Variants in TTC38 observed in about 807,000 individuals in gnomAD.
TTC38 encodes tetratricopeptide repeat protein 38.
A neutral mutation model predicts 64.2 loss-of-function variants in TTC38; 64 were observed. The ratio of observed to expected loss-of-function variants is 1.00; its 90% CI spans 0.81 to 1.23. TTC38 has a LOEUF of 1.23. Ranked by LOEUF, TTC38 falls within the 50% of genes most tolerant of loss-of-function variation. The pLI is 0.00. For missense variants in TTC38, 573 were observed against 615.5 expected, an observed-to-expected ratio of 0.93 and a Z score of 0.73; for synonymous variants, 254 against 249.3, an observed-to-expected ratio of 1.02 and a Z score of -0.18.
Position 46,273,899 on chromosome 22 carries a change from G to A in TTC38, c.195G>A (p.Val65=), listed in dbSNP as rs1936949990. Residue 65 remains valine, a splice_region_variant and synonymous_variant, in exon 4 of 14, where the codon GTG becomes GTA. Transcript: ENST00000381031. This position sits in a 1 kb window ranked among gnomAD's most constrained non-coding sequence, Gnocchi z 5.1. ...AGCCGTTCTCTAACCTCCCACCAGT[G>A]ATGGGCCACGCCATGGCTACTGGCC... is the stretch of plus-strand genomic sequence containing the variant. The part of the protein sequence containing the change: ...SKLKAADPTF[V]MGHAMATGLV... The A allele has an allele frequency of 1.2e-6, 2 of 1,614,198 alleles. No individual in the cohort carries two copies. Among genetic ancestry groups the A allele is most frequent in the Admixed American group, 1.7e-5 (1 of 60,026 alleles).
Position 46,292,021 on chromosome 22 carries a change from A to G in TTC38, c.1317-770A>G, listed in dbSNP as rs2077620097. 6.6e-6 allele frequency among the ~76,000 whole-genome samples: 1 copy of G among 152,140 alleles called. No homozygotes were observed. The highest frequency in any genetic ancestry group is 1.5e-5 in the Non-Finnish European group (1 of 68,022). ...GCACAGTAGGCATGCACTGTCTCAC[A>G]GTTCTGGAGGCTGGAATGTCCAGGA... On this transcript the variant is annotated intron_variant, in intron 13 of 13. Transcript: ENST00000381031. The surrounding 1 kb of genome is among the most constrained non-coding windows in gnomAD (Gnocchi z 6.5).
At position 46,291,531 on chromosome 22, in the gene TTC38, C is replaced by T. The variant is rs2077615443; in HGVS notation, c.1317-1260C>T. Among the ~76,000 whole-genome samples, 1 of 152,204 alleles carries T rather than the reference C, an allele frequency of 6.6e-6. No individual in the cohort carries two copies. The highest frequency in any genetic ancestry group is 2.1e-4 in the South Asian group (1 of 4,834). On this transcript the variant is annotated intron_variant, in intron 13 of 13. Coordinates refer to ENST00000381031, the MANE Select transcript of TTC38 (RefSeq NM_017931.4). This position sits in a 1 kb window ranked among gnomAD's most constrained non-coding sequence, Gnocchi z 4.6. ...CCAGCCCCCAAGGTGGGAAACCTTC[C>T]ACCCACAGCCATGGTGCCCCCCACA...
At chr22:46,277,632 G>C (rs954864618) in intron 5 of TTC38, among the ~76,000 whole-genome samples, 6 of 145,656 alleles carry the variant, frequency 4.1e-5, no homozygotes, top group Non-Finnish European at 9.0e-5. Context: ...AAAAAAAAGA[G>C]AGAGATTGGA....
chr22:46,268,212 A>G, intron 1 of TTC38, 140 bp downstream of exon 1: 1 of 978,704 alleles, frequency 1.0e-6, no homozygotes, highest in East Asian at 2.8e-5. Flanking sequence ...GTCCGCGGCA[A>G]CGCCTGGAAG....
At position 46,281,634 on chromosome 22, in the gene TTC38, G is replaced by T. The variant is rs202040339; in HGVS notation, c.651G>T (p.Val217=). 2.5e-6 allele frequency: 4 copies of T among 1,614,166 alleles called. No individual in the cohort carries two copies. The highest frequency in any genetic ancestry group is 3.4e-6 in the Non-Finnish European group (4 of 1,180,028). ...LSINPTDAWS[V]HTVAHIHEMK... is the part of the protein sequence containing the mutation. ...TTAACCCGACAGACGCATGGTCGGT[G>T]CACACCGTCGCTCACATCCACGAGA... The change falls in exon 7 of 14, where the codon GTG becomes GTT. Residue 217 remains valine, a synonymous_variant. Coordinates refer to ENST00000381031, the MANE Select transcript of TTC38 (RefSeq NM_017931.4). The surrounding 1 kb of genome is among the most constrained non-coding windows in gnomAD (Gnocchi z 5.2).
rs747470323 is a variant in TTC38, at chr22:46,273,909, G to A, written c.205G>A (p.Ala69Thr). The part of the protein sequence containing the change: ...AADPTFVMGH[A>T]MATGLVLIGT... ...TAACCTCCCACCAGTGATGGGCCACGCCATGGCTACTGGCCTTGTGCTGAT... is the reference window on the plus strand; with the variant it reads ...TAACCTCCCACCAGTGATGGGCCACACCATGGCTACTGGCCTTGTGCTGAT... The change falls in exon 4 of 14, where the codon GCC (alanine) becomes ACC (threonine). Residue 69 changes from alanine (A) to threonine (T), a missense_variant. Coordinates refer to ENST00000381031, the MANE Select transcript of TTC38 (RefSeq NM_017931.4). The surrounding 1 kb of genome is among the most constrained non-coding windows in gnomAD (Gnocchi z 5.1). 2.0e-5 allele frequency: 32 copies of A among 1,614,088 alleles called. No homozygotes were observed. The South Asian group carries it at 3.1e-4, about 16-fold the overall frequency.
Position 46,292,290 on chromosome 22 carries a change from C to G in TTC38, c.1317-501C>G. ...ACTCAAACTCCTGGGCTCAAGGAAT[C>G]TTCCTGCCTCATCCTTCCATCGTGC... On this transcript the variant is annotated intron_variant, in intron 13 of 13. Coordinates refer to ENST00000381031, the MANE Select transcript of TTC38 (RefSeq NM_017931.4). This position sits in a 1 kb window ranked among gnomAD's most constrained non-coding sequence, Gnocchi z 6.5. The G allele has an allele frequency of 2.4e-6, 1 of 416,978 alleles. No individual in the cohort carries two copies. The allele number at this position is 416,978 out of a possible 1,614,324, so 25.8% of individuals were successfully genotyped here.
rs574616563 is a variant in TTC38, at chr22:46,271,263, CAG to C, written c.112-1069_112-1068del. Among the ~76,000 whole-genome samples, 170 of 152,046 alleles carry C rather than the reference CAG, an allele frequency of 1.1e-3. No homozygotes were observed. Among genetic ancestry groups the C allele is most frequent in the Middle Eastern group, 0.01 (3 of 292 alleles). ...TTTTTCTTTTTTTTCTTTTTTGAGA[CAG>C]AGTCTCACTCTGTCGCCCAGGCTGG... On this transcript the variant is annotated intron_variant, in intron 2 of 13. Coordinates refer to ENST00000381031, the MANE Select transcript of TTC38 (RefSeq NM_017931.4). The surrounding 1 kb of genome is among the most constrained non-coding windows in gnomAD (Gnocchi z 5.5).
chr22:46,269,124 C>T (rs1936836292), intron 2 of TTC38: 2 of 438,992 alleles, frequency 4.6e-6, no homozygotes, highest in Non-Finnish European at 9.3e-6. Context: ...GGCCTCTGCA[C>T]TCTCCCTTCT....
intron 8 of TTC38, among the ~76,000 whole-genome samples, chr22:46,284,800 C>T (rs1376092413): frequency 2.2e-5 from 3 of 134,196 alleles, no homozygotes; most frequent in Admixed American, 8.8e-5. Context: ...ACCTGGGACG[C>T]GGAGGTTACA....
intron 1 of TTC38, among the ~76,000 whole-genome samples, 199 bp downstream of exon 1, chr22:46,268,271 G>T (rs1936806921): frequency 6.6e-6 from 1 of 152,254 alleles, no homozygotes; most frequent in Non-Finnish European, 1.5e-5. Context: ...AATAAGGGAC[G>T]CCTGTCAGGG....
At position 46,268,522 on chromosome 22, in the gene TTC38, G is replaced by T; in HGVS notation, c.42G>T (p.Lys14Asn). 6.2e-7 allele frequency: 1 copy of T among 1,614,096 alleles called. No homozygotes were observed. Among genetic ancestry groups the T allele is most frequent in the African/African-American group, 1.3e-5 (1 of 75,052 alleles). ...CTTCTTGCCGTCTGTAGGCCTGGAA[G>T]GATGCGAGGCTCCCGCTCTCCACCA... ...ASPLRDCQAW[K>N]DARLPLSTTS... The change falls in exon 2 of 14, where the codon AAG (lysine) becomes AAT (asparagine). Residue 14 changes from lysine to asparagine, a missense_variant. Transcript: ENST00000381031.
Position 46,292,794 on chromosome 22 carries a change from C to G in TTC38, c.1320C>G (p.Ser440Arg). 1 of 1,613,642 alleles carries G rather than the reference C, an allele frequency of 6.2e-7. No homozygotes were observed. The highest frequency in any genetic ancestry group is 8.5e-7 in the Non-Finnish European group (1 of 1,179,594). ...TSSVHKNVAR[S>R]LLMERDALKP... ...ACCTCTGTGTCTGTTTCCACAGGAG[C>G]CTTCTGATGGAGCGTGATGCCTTGA... Residue 440 changes from serine (S) to arginine (R), a missense_variant, in exon 14 of 14, where the codon AGC becomes AGG. By Grantham distance (110) the Ser-to-Arg change is moderately radical. Transcript: ENST00000381031. The surrounding 1 kb of genome is among the most constrained non-coding windows in gnomAD (Gnocchi z 6.5).
At chr22:46,288,812 G>C (rs2077590876) in intron 11 of TTC38, among the ~76,000 whole-genome samples, 1 of 152,212 alleles carries the variant, frequency 6.6e-6, no homozygotes, top group Non-Finnish European at 1.5e-5. Flanking sequence ...GTTGCCCCAA[G>C]ACACAGAGCT....
chr22:46,272,985 GAGA>G lies in TTC38; in HGVS notation c.193+572_193+574del, dbSNP rs1413823241. 7.9e-5 allele frequency among the ~76,000 whole-genome samples: 12 copies of G among 152,242 alleles called. No homozygotes were observed. Among genetic ancestry groups the G allele is most frequent in the Admixed American group, 7.8e-4 (12 of 15,290 alleles). Reference sequence around the variant, plus strand: ...TGGTGCGGCAAGGTTCCGGGCCTGGGAGAAGGTCTGATGAGGGGACAGGGCTCT... The same window carrying G: ...TGGTGCGGCAAGGTTCCGGGCCTGGGAGGTCTGATGAGGGGACAGGGCTCT... On this transcript the variant is annotated intron_variant, in intron 3 of 13. Coordinates refer to ENST00000381031, the MANE Select transcript of TTC38 (RefSeq NM_017931.4). This position sits in a 1 kb window ranked among gnomAD's most constrained non-coding sequence, Gnocchi z 6.4.
At position 46,274,248 on chromosome 22, in the gene TTC38, T is replaced by C. The variant is rs577354626; in HGVS notation, c.365+179T>C. Among the ~76,000 whole-genome samples the C allele has an allele frequency of 1.3e-5, 2 of 152,124 alleles. No homozygotes were observed. Among genetic ancestry groups the C allele is most frequent in the South Asian group, 4.2e-4 (2 of 4,804 alleles). The stretch of plus-strand genomic sequence containing the variant: ...GTCTGCTTCCCTATTCTTGGTGGAG[T>C]GCTGAGTGAGGAAGCAGTTGGTGAA... On this transcript the variant is annotated intron_variant, in intron 4 of 13. Transcript: ENST00000381031. This position sits in a 1 kb window ranked among gnomAD's most constrained non-coding sequence, Gnocchi z 4.8.
intron 9 of TTC38, 33 bp from the exon 10 acceptor site, chr22:46,287,040 C>G (rs368777746): frequency 1.5e-5 from 24 of 1,560,792 alleles, no homozygotes; most frequent in Non-Finnish European, 1.9e-5. Context: ...CTGGGCCACC[C>G]GCTGAGCCCG....
At position 46,270,330 on chromosome 22, in the gene TTC38, A is replaced by G. The variant is rs1053598615; in HGVS notation, c.111+1739A>G. On this transcript the variant is annotated intron_variant, in intron 2 of 13. Transcript: ENST00000381031. This position sits in a 1 kb window ranked among gnomAD's most constrained non-coding sequence, Gnocchi z 4.7. Reference sequence around the variant, plus strand: ...CTTGAGCCTGGGCGGTTGAGACTGAAGTGAGCTGTGATTGTGCCACTGTAC... The same window carrying G: ...CTTGAGCCTGGGCGGTTGAGACTGAGGTGAGCTGTGATTGTGCCACTGTAC... Among the ~76,000 whole-genome samples, 2 of 151,350 alleles carry G rather than the reference A, an allele frequency of 1.3e-5. No individual in the cohort carries two copies. Among genetic ancestry groups the G allele is most frequent in the African/African-American group, 2.4e-5 (1 of 41,136 alleles).
At chr22:46,288,284 G>A (rs2077585729) in intron 10 of TTC38, 139 bp from the exon 11 acceptor site, 1 of 775,904 alleles carries the variant, frequency 1.3e-6, no homozygotes, top group East Asian at 2.6e-5. Flanking sequence ...CGCTGCCCGT[G>A]GCCCTGCCCA....
Sources: allele counts gnomAD v4.1 joint callset (sites outside exome capture counted in the v4.1 genomes callset), GRCh38; gene constraint gnomAD v4.1.1; non-coding constraint Gnocchi (gnomAD v3.1); transcripts MANE v1.5; gene names NCBI Gene and HGNC (gene_info 2026-07-23, HGNC 2026-07-21).